Variants in CFAP54 observed in about 807,000 individuals in gnomAD.
The protein encoded by CFAP54 is cilia- and flagella-associated protein 54.
CFAP54 carries 290 observed loss-of-function variants against 370.4 expected under a neutral mutation model. That is an observed-to-expected ratio of 0.78 (90% CI 0.71 to 0.86). The LOEUF (loss-of-function observed/expected upper bound fraction) is 0.86. Among genes scored for constraint, CFAP54 ranks in the 40% least tolerant of loss-of-function variants. The pLI is 0.00. For synonymous variants in CFAP54, 1,206 were observed against 1,236.5 expected (o/e 0.98, Z 0.52); for missense variants, 3,399 against 3,528.7 (o/e 0.96, Z 0.93).
intron 55 of CFAP54, among the ~76,000 whole-genome samples, chr12:96,752,693 G>A (rs1958201065): frequency 6.6e-6 from 1 of 152,186 alleles, no homozygotes; most frequent in Non-Finnish European, 1.5e-5. Context: ...GGGCCTGCTA[G>A]CAAAGTGCCC....
intron 65 of CFAP54, among the ~76,000 whole-genome samples, chr12:96,825,358 ATTATATATTATGTAACATGTG>A (rs1321189244): frequency 3.2e-5 from 4 of 123,522 alleles, no homozygotes; most frequent in East Asian, 4.7e-4. Flanking sequence ...AACATGTTAT[ATTATATATTATGTAACATGTG>A]TTATATATTA....
chr12:96,757,551 CA>C lies in CFAP54; in HGVS notation c.8006del (p.Lys2669ArgfsTer2). 6.3e-7 allele frequency: 1 copy of C among 1,598,296 alleles called. No homozygotes were observed. The highest frequency in any genetic ancestry group is 8.5e-7 in the Non-Finnish European group (1 of 1,169,638). On this transcript the variant is annotated frameshift_variant, in exon 58 of 68. Coordinates refer to ENST00000524981, the MANE Select transcript of CFAP54 (RefSeq NM_001306084.2). LOFTEE classifies it high-confidence loss of function. ...CTATTGTATTTTCATCTGAAGAAGC[CA>C]AAGATAAAAATTTCAGGATCACCAT... ...MALLYFHLKK[P>X]KIKISGSPLT...
rs576437447 is a variant in CFAP54, at chr12:96,858,501, C to T, written c.9172-2318C>T. Among the ~76,000 whole-genome samples the T allele has an allele frequency of 1.9e-4, 29 of 152,278 alleles. 1 individual carries two copies. Among genetic ancestry groups the T allele is most frequent in the African/African-American group, 6.5e-4 (27 of 41,546 alleles). On this transcript the variant is annotated intron_variant, in intron 66 of 67. Transcript: ENST00000524981. Reference sequence around the variant, plus strand: ...CAGAAGCTCTTAAGTTTAATTAGATCCCACTTGCCAATTTTTGCTTTTGTT... The same window carrying T: ...CAGAAGCTCTTAAGTTTAATTAGATTCCACTTGCCAATTTTTGCTTTTGTT...
At chr12:96,772,970 T>C (rs1958479065) in intron 60 of CFAP54, among the ~76,000 whole-genome samples, 1 of 151,944 alleles carries the variant, frequency 6.6e-6, no homozygotes, top group Non-Finnish European at 1.5e-5. Flanking sequence ...ATTCTGGGGA[T>C]TAGACATGAA....
At chr12:96,497,220 T>C (rs1332867106) in intron 1 of CFAP54, among the ~76,000 whole-genome samples, 1 of 152,210 alleles carries the variant, frequency 6.6e-6, no homozygotes, top group Non-Finnish European at 1.5e-5. Context: ...GCACTGAGCC[T>C]CAGCTTAATC....
intron 66 of CFAP54, among the ~76,000 whole-genome samples, chr12:96,850,267 A>G (rs1959500419): frequency 6.6e-6 from 1 of 151,542 alleles, no homozygotes; most frequent in Admixed American, 6.6e-5. Flanking sequence ...GAGGCAGGAC[A>G]ATGGCCTCCC....
At chr12:96,870,690 G>T (rs532295564) in intron 67 of CFAP54, among the ~76,000 whole-genome samples, 13 of 152,142 alleles carry the variant, frequency 8.5e-5, no homozygotes, top group South Asian at 4.2e-4. Flanking sequence ...GTTTGGTTTG[G>T]TTTTTTTATG....
intron 36 of CFAP54, among the ~76,000 whole-genome samples, chr12:96,655,030 C>A (rs918077494): frequency 3.6e-5 from 5 of 139,060 alleles, no homozygotes; most frequent in Non-Finnish European, 6.6e-5. Context: ...ATGTGAATGG[C>A]CAAAAAAATT....
rs1196769233 is a variant in CFAP54, at chr12:96,503,983, C to T, written c.521C>T (p.Ala174Val). 11 of 1,523,944 alleles carry T rather than the reference C, an allele frequency of 7.2e-6. No individual in the cohort carries two copies. The highest frequency in any genetic ancestry group is 6.2e-5 in the Admixed American group (3 of 48,374). The allele number at this position is 1,523,944 out of a possible 1,614,324, so 94.4% of individuals were successfully genotyped here. The change falls in exon 3 of 68, where the codon GCT becomes GTT. Residue 174 changes from alanine (A) to valine (V), a missense_variant. By Grantham distance (64) the Ala-to-Val change is moderately conservative. Coordinates refer to ENST00000524981, the MANE Select transcript of CFAP54 (RefSeq NM_001306084.2). ...ENKVDVTQFK[A>V]TFFPKGFKDK... Reference sequence around the variant, plus strand: ...AAAGTGGATGTAACTCAATTCAAAGCTACCTTTTTCCCAAAAGGCTTTAAA... The same window carrying T: ...AAAGTGGATGTAACTCAATTCAAAGTTACCTTTTTCCCAAAAGGCTTTAAA...
At chr12:96,745,393 A>C (rs1467958728) in intron 55 of CFAP54, among the ~76,000 whole-genome samples, 1 of 152,146 alleles carries the variant, frequency 6.6e-6, no homozygotes, top group Non-Finnish European at 1.5e-5. Context: ...CTGGTGTGAA[A>C]TAGTATCTCA....
At chr12:96,785,324 A>G (rs1321305025) in intron 61 of CFAP54, among the ~76,000 whole-genome samples, 1 of 151,546 alleles carries the variant, frequency 6.6e-6, no homozygotes. Flanking sequence ...TTTTTTTTTA[A>G]TCATTGGTGC....
At chr12:96,615,590 A>G (rs1443416197) in intron 26 of CFAP54, among the ~76,000 whole-genome samples, 1 of 152,240 alleles carries the variant, frequency 6.6e-6, no homozygotes, top group Non-Finnish European at 1.5e-5. Flanking sequence ...ACAGAATGGG[A>G]GAAAATTTTT....
At chr12:96,673,046 A>G (rs1302169920) in intron 39 of CFAP54, among the ~76,000 whole-genome samples, 1 of 152,214 alleles carries the variant, frequency 6.6e-6, no homozygotes, top group Admixed American at 6.5e-5. Flanking sequence ...TTGATTCTCA[A>G]TGGCGGTAGA....
intron 39 of CFAP54, among the ~76,000 whole-genome samples, chr12:96,666,869 C>T (rs888403992): frequency 1.6e-4 from 25 of 152,214 alleles, no homozygotes. Context: ...CAAAAGTCCA[C>T]AGTCCAAAGT....
intron 66 of CFAP54, among the ~76,000 whole-genome samples, chr12:96,839,626 G>A (rs1337477606): frequency 6.6e-6 from 1 of 152,230 alleles, no homozygotes; most frequent in Non-Finnish European, 1.5e-5. Flanking sequence ...TTAGGTCAAA[G>A]ATTCTGTGGG....
intron 32 of CFAP54, among the ~76,000 whole-genome samples, chr12:96,642,174 G>T (rs1319800165): frequency 6.6e-6 from 1 of 151,870 alleles, no homozygotes; most frequent in Non-Finnish European, 1.5e-5. Flanking sequence ...AATTGCTCTA[G>T]ATTTGGCTAG....
At chr12:96,852,199 C>T (rs984749021) in intron 66 of CFAP54, among the ~76,000 whole-genome samples, 2 of 152,014 alleles carry the variant, frequency 1.3e-5, no homozygotes, top group Non-Finnish European at 2.9e-5. Context: ...AAACTTCTAC[C>T]TATCAAATCT....
chr12:96,725,493 A>G (rs1016566923), intron 50 of CFAP54, among the ~76,000 whole-genome samples: 1 of 152,062 alleles, frequency 6.6e-6, no homozygotes, highest in Non-Finnish European at 1.5e-5. Context: ...TTATTGGTGT[A>G]TAAGAATGCT....
chr12:96,539,763 G>C (rs999191307), intron 13 of CFAP54, among the ~76,000 whole-genome samples: 2 of 152,032 alleles, frequency 1.3e-5, no homozygotes, highest in Admixed American at 6.6e-5. Context: ...TAATAATAGA[G>C]AATACAGAGA....
Sources: gnomAD v4.1 joint callset for allele counts (sites outside exome capture counted in the v4.1 genomes callset) on GRCh38, gnomAD v4.1.1 for gene constraint, MANE v1.5 for transcripts, NCBI Gene and HGNC (gene_info 2026-07-23, HGNC 2026-07-21) for gene names.